CXCR5: variants seen among roughly 807,000 people sequenced by gnomAD.
CXCR5 encodes the protein C-X-C chemokine receptor type 5.
A neutral mutation model predicts 5.6 loss-of-function variants in CXCR5; 3 were observed. The ratio of observed to expected loss-of-function variants is 0.54; its 90% confidence interval spans 0.24 to 1.39. The LOEUF (loss-of-function observed/expected upper bound fraction) is 1.39, where lower values mean the gene tolerates loss of function less well. CXCR5 is among the 40% of genes most tolerant of loss of function. The probability of loss-of-function intolerance (pLI) is 0.16; values close to 1 mark genes in which losing one functional copy is unlikely to be tolerated. For missense variants in CXCR5, 333 were observed against 494.6 expected, an observed-to-expected ratio of 0.67 and a Z score of 3.10; for synonymous variants, 218 against 219.9, an observed-to-expected ratio of 0.99 and a Z score of 0.08.
Position 118,894,536 on chromosome 11 carries a change from G to A in CXCR5, c.992G>A (p.Ser331Asn). Residue 331 changes from serine (S) to asparagine (N), a missense_variant, in exon 2 of 2, where the codon AGT (serine) becomes AAT (asparagine). Transcript: ENST00000292174. The surrounding 1 kb of genome is among the most constrained non-coding windows in gnomAD (Gnocchi z 6.1). ...ACTTTCGCCGGCGTGAAGTTCCGCAGTGACCTGTCGCGGCTCCTGACGAAG... is the reference window on the plus strand; with the variant it reads ...ACTTTCGCCGGCGTGAAGTTCCGCAATGACCTGTCGCGGCTCCTGACGAAG... ...LYTFAGVKFR[S>N]DLSRLLTKLG... 1.3e-6 allele frequency: 2 copies of A among 1,577,362 alleles called. No individual in the cohort carries two copies. The highest frequency in any genetic ancestry group is 2.4e-5 in the South Asian group (2 of 84,778).
chr11:118,888,143 G>A (rs1939745730), intron 1 of CXCR5, among the ~76,000 whole-genome samples: 1 of 152,186 alleles, frequency 6.6e-6, no homozygotes, highest in South Asian at 2.1e-4. Flanking sequence ...GCATTTGAAG[G>A]CAGAGTCCAG....
Position 118,893,411 on chromosome 11 carries a change from C to T in CXCR5, c.52-185C>T, listed in dbSNP as rs182950677. The T allele has an allele frequency of 3.7e-5, 36 of 985,426 alleles. No homozygotes were observed. In the African/African-American group the frequency reaches 5.8e-4, roughly 16 times the overall value. 61.0% of individuals were successfully genotyped at this position (985,426 alleles called of 1,614,324 possible). A position where few individuals can be genotyped will look rare whatever the true frequency, so the allele number is the denominator to read the frequency against. ...GCACCACCACTCTAAGGAATGCGGT[C>T]CCTTTGACAGGCGAAAAACTGAAGT... On this transcript the variant is annotated intron_variant, in intron 1 of 1. Coordinates refer to ENST00000292174, the MANE Select transcript of CXCR5 (RefSeq NM_001716.5). The surrounding 1 kb of genome is among the most constrained non-coding windows in gnomAD (Gnocchi z 5.7).
At chr11:118,888,320 G>GC (rs1388947012) in intron 1 of CXCR5, among the ~76,000 whole-genome samples, 4 of 152,066 alleles carry the variant, frequency 2.6e-5, no homozygotes, top group Non-Finnish European at 5.9e-5. Context: ...CTTCTAGACT[G>GC]CCCCCTGGAA....
intron 1 of CXCR5, among the ~76,000 whole-genome samples, chr11:118,884,696 AT>A (rs1171668783): frequency 2.6e-5 from 4 of 152,196 alleles, no homozygotes; most frequent in Non-Finnish European, 4.4e-5. Flanking sequence ...GAGATAAGGT[AT>A]TCTTGGAAAG....
At chr11:118,891,871 C>CAAAAAA (rs754547926) in intron 1 of CXCR5, among the ~76,000 whole-genome samples, 1 of 34,594 alleles carries the variant, frequency 2.9e-5, no homozygotes, top group African/African-American at 8.7e-5. Context: ...AACTCCCCCT[C>CAAAAAA]AAAAAAAAAA....
Position 118,884,421 on chromosome 11 carries a change from G to C in CXCR5, c.51+429G>C, listed in dbSNP as rs3782050. Among the ~76,000 whole-genome samples, 1,706 of 152,208 alleles carry C rather than the reference G, an allele frequency of 0.011. 78 individuals carry two copies. In the East Asian group the frequency reaches 0.14, roughly 13 times the overall value. ...AATGAATGCATAGCTGTTCGTCTCT[G>C]GCCATATGATTATGTCATCAGGGCA... On this transcript the variant is annotated intron_variant, in intron 1 of 1. Coordinates refer to ENST00000292174, the MANE Select transcript of CXCR5 (RefSeq NM_001716.5).
intron 1 of CXCR5, chr11:118,886,498 G>C: frequency 2.6e-6 from 1 of 388,664 alleles, no homozygotes; most frequent in Non-Finnish European, 5.0e-6. Context: ...GGGACGGGCT[G>C]CTAATTCTCA....
intron 1 of CXCR5, among the ~76,000 whole-genome samples, chr11:118,892,893 C>A (rs2137658757): frequency 6.6e-6 from 1 of 152,310 alleles, no homozygotes; most frequent in Non-Finnish European, 1.5e-5. Context: ...AGGGAGCCTG[C>A]ATCTGCTGCC....
intron 1 of CXCR5, chr11:118,886,386 A>T (rs1197777252): frequency 2.3e-6 from 1 of 432,694 alleles, no homozygotes; most frequent in Admixed American, 2.8e-5. Context: ...TCCTGGCCAT[A>T]AGCCAGGTTC....
In CXCR5 at chr11:118,896,295, A is replaced by C. The variant is rs1939917122; in HGVS notation, c.*1632A>C. The C allele has an allele frequency of 6.2e-6, 1 of 161,500 alleles. No homozygotes were observed. The highest frequency in any genetic ancestry group is 2.4e-5 in the African/African-American group (1 of 41,222). 10.0% of individuals were successfully genotyped at this position (161,500 alleles called of 1,614,324 possible). Reference sequence around the variant, plus strand: ...TATTTATATATTTATATTTATATATATATTTATATAATGGTACAAAATGGC... The same window carrying C: ...TATTTATATATTTATATTTATATATCTATTTATATAATGGTACAAAATGGC... On this transcript the variant is annotated 3_prime_UTR_variant, in exon 2 of 2. Transcript: ENST00000292174.
At chr11:118,887,153 G>A in intron 1 of CXCR5, 2 of 774,948 alleles carry the variant, frequency 2.6e-6, no homozygotes, top group Non-Finnish European at 3.1e-6. Context: ...CATACAAACT[G>A]CAGAGTCTCC....
At chr11:118,888,627 G>A (rs1226678792) in intron 1 of CXCR5, among the ~76,000 whole-genome samples, 1 of 152,250 alleles carries the variant, frequency 6.6e-6, no homozygotes, top group Non-Finnish European at 1.5e-5. Context: ...AAGCTTGTAG[G>A]TGACAAACTC....
intron 1 of CXCR5, chr11:118,886,531 C>A (rs3176910): frequency 0.022 from 8,002 of 366,920 alleles, 335 homozygotes; most frequent in African/African-American, 0.11. Flanking sequence ...CCAAATAGAA[C>A]AAAAATTAGA....
At position 118,897,169 on chromosome 11, in the gene CXCR5, C is replaced by G. The variant is rs996423891; in HGVS notation, c.*2506C>G. ...AGACTGGAGGGGAGGTGCACTGACT[C>G]AGATGAACTGTTCTCCCCCTTCTTT... On this transcript the variant is annotated 3_prime_UTR_variant, in exon 2 of 2. Coordinates refer to ENST00000292174, the MANE Select transcript of CXCR5 (RefSeq NM_001716.5). 7.1e-5 allele frequency: 11 copies of G among 154,134 alleles called. No individual in the cohort carries two copies. Among genetic ancestry groups the G allele is most frequent in the African/African-American group, 2.7e-4 (11 of 41,436 alleles). 9.5% of individuals were successfully genotyped at this position (154,134 alleles called of 1,614,324 possible). A position where few individuals can be genotyped will look rare whatever the true frequency, so the allele number is the denominator to read the frequency against.
At position 118,897,720 on chromosome 11, in the gene CXCR5, C is replaced by T. The variant is rs1316112867; in HGVS notation, c.*3057C>T. The T allele has an allele frequency of 4.5e-6, 2 of 448,784 alleles. No homozygotes were observed. Among genetic ancestry groups the T allele is most frequent in the East Asian group, 1.4e-4 (2 of 14,376 alleles). The allele number at this position is 448,784 out of a possible 1,614,324, so 27.8% of individuals were successfully genotyped here. A position where few individuals can be genotyped will look rare whatever the true frequency, so the allele number is the denominator to read the frequency against. ...CCTGGGTCCAGGGGAATGGAGGGAG[C>T]AATAACTTGAAGAAGGGGGGAAGGG... On this transcript the variant is annotated 3_prime_UTR_variant, in exon 2 of 2. Transcript: ENST00000292174.
intron 1 of CXCR5, among the ~76,000 whole-genome samples, chr11:118,891,972 T>G (rs1939817603): frequency 6.6e-6 from 1 of 151,808 alleles, no homozygotes; most frequent in Middle Eastern, 3.2e-3. Context: ...AGTAAAGGAC[T>G]TTAAACAGAA....
Position 118,894,258 on chromosome 11 carries a change from C to T in CXCR5, c.714C>T (p.Tyr238=), listed in dbSNP as rs377341193. 45 of 1,614,000 alleles carry T rather than the reference C, an allele frequency of 2.8e-5. No homozygotes were observed. The highest frequency in any genetic ancestry group is 5.5e-5 in the South Asian group (5 of 91,094). The change falls in exon 2 of 2, where the codon TAC becomes TAT. Residue 238 remains tyrosine (Y), a synonymous_variant. Transcript: ENST00000292174. This position sits in a 1 kb window ranked among gnomAD's most constrained non-coding sequence, Gnocchi z 6.1. ...CCATGCTGGTGATGGGCTGGTGCTACGTGGGGGTAGTGCACAGGTTGCGCC... is the reference window on the plus strand; with the variant it reads ...CCATGCTGGTGATGGGCTGGTGCTATGTGGGGGTAGTGCACAGGTTGCGCC... ...LLPMLVMGWC[Y]VGVVHRLRQA...
Position 118,894,872 on chromosome 11 carries a change from A to G in CXCR5, c.*209A>G, listed in dbSNP as rs1591968633. On this transcript the variant is annotated 3_prime_UTR_variant, in exon 2 of 2. Coordinates refer to ENST00000292174, the MANE Select transcript of CXCR5 (RefSeq NM_001716.5). This position sits in a 1 kb window ranked among gnomAD's most constrained non-coding sequence, Gnocchi z 6.1. ...CGGCCCTGGGGCTAGGCTGGAGCCC[A>G]GGGAGCGGAAAGCAGCTCAAAGGCA... is the stretch of plus-strand genomic sequence containing the variant. The G allele has an allele frequency of 2.0e-6, 1 of 489,202 alleles. No homozygotes were observed. Among genetic ancestry groups the G allele is most frequent in the Non-Finnish European group, 3.6e-6 (1 of 281,002 alleles). The allele number at this position is 489,202 out of a possible 1,614,324, so 30.3% of individuals were successfully genotyped here. A position where few individuals can be genotyped will look rare whatever the true frequency, so the allele number is the denominator to read the frequency against.
chr11:118,893,625 T>C lies in CXCR5; in HGVS notation c.81T>C (p.Tyr27=), dbSNP rs760921682. The change falls in exon 2 of 2, where the codon TAT becomes TAC. Residue 27 remains tyrosine, a synonymous_variant. Transcript: ENST00000292174. The surrounding 1 kb of genome is among the most constrained non-coding windows in gnomAD (Gnocchi z 5.7). ...LFWELDRLDN[Y]NDTSLVENHL... Reference sequence around the variant, plus strand: ...GGGAACTGGACAGATTGGACAACTATAACGACACCTCCCTGGTGGAAAATC... The same window carrying C: ...GGGAACTGGACAGATTGGACAACTACAACGACACCTCCCTGGTGGAAAATC... 15 of 1,606,812 alleles carry C rather than the reference T, an allele frequency of 9.3e-6. No individual in the cohort carries two copies. Among genetic ancestry groups the C allele is most frequent in the Non-Finnish European group, 1.2e-5 (14 of 1,174,930 alleles).
Sources: allele counts gnomAD v4.1 joint callset (sites outside exome capture counted in the v4.1 genomes callset), GRCh38; gene constraint gnomAD v4.1.1; non-coding constraint Gnocchi (gnomAD v3.1); transcripts MANE v1.5; gene names NCBI Gene and HGNC (gene_info 2026-07-23, HGNC 2026-07-21).